CLEC16A: variants seen among roughly 807,000 people sequenced by gnomAD.
CLEC16A encodes the protein protein CLEC16A.
CLEC16A carries 51 observed loss-of-function variants against 109.5 expected under a neutral mutation model. The ratio of observed to expected loss-of-function variants is 0.47; its 90% CI spans 0.37 to 0.59. The LOEUF is 0.59. Ranked by LOEUF, CLEC16A falls within the 20% of genes least tolerant of loss-of-function variation. The pLI is 0.00. For synonymous variants in CLEC16A, 673 were observed against 564.2 expected, an observed-to-expected ratio of 1.19 and a Z score of -2.73; for missense variants, 1,339 against 1,394.0, an observed-to-expected ratio of 0.96 and a Z score of 0.63.
chr16:11,169,576 C>T (rs2068419547), intron 23 of CLEC16A, among the ~76,000 whole-genome samples: 1 of 152,226 alleles, frequency 6.6e-6, no homozygotes, highest in Non-Finnish European at 1.5e-5. Context: ...CATGAGCCAT[C>T]ACGCCTGGCC....
chr16:10,979,805 G>C (rs915788505), intron 9 of CLEC16A, among the ~76,000 whole-genome samples: 1 of 152,276 alleles, frequency 6.6e-6, no homozygotes, highest in Non-Finnish European at 1.5e-5. Context: ...CCTGAAATGA[G>C]TCTATTGTTA....
In CLEC16A at chr16:10,948,644, G is replaced by A. The variant is rs11648250; in HGVS notation, c.80+3847G>A. On this transcript the variant is annotated intron_variant, in intron 1 of 23. Transcript: ENST00000409790. ...CTTCATTCTGGTCCACTTTGTGTGG[G>A]GGTCAAGATTTTTGGTTCCAGTGAC... 5.5e-3 allele frequency among the ~76,000 whole-genome samples: 832 copies of A among 152,298 alleles called. 2 individuals are homozygous for A. Among genetic ancestry groups the A allele is most frequent in the Non-Finnish European group, 8.9e-3 (605 of 68,028 alleles).
intron 19 of CLEC16A, among the ~76,000 whole-genome samples, chr16:11,105,309 A>G (rs2152991190): frequency 6.6e-6 from 1 of 152,310 alleles, no homozygotes; most frequent in East Asian, 1.9e-4. Flanking sequence ...TTGTGTTTTC[A>G]CCAAGTTGTC....
intron 22 of CLEC16A, chr16:11,156,452 C>G: frequency 2.3e-6 from 1 of 427,024 alleles, no homozygotes; most frequent in South Asian, 1.9e-5. Flanking sequence ...CAAGCAGGGC[C>G]ATAGTGACCC....
In CLEC16A at chr16:11,003,064, A is replaced by C; in HGVS notation, c.1072-10A>C. 1 of 1,596,932 alleles carries C rather than the reference A, an allele frequency of 6.3e-7. No individual in the cohort carries two copies. ...CAAATTCACCTGTTGCCTTCGTTGG[A>C]CTTTCCTAGGCCAAGCCCAGCATTC... is the stretch of plus-strand genomic sequence containing the variant. On this transcript the variant is annotated splice_polypyrimidine_tract_variant and intron_variant, in intron 10 of 23. Coordinates refer to ENST00000409790, the MANE Select transcript of CLEC16A (RefSeq NM_015226.3).
chr16:11,139,510 A>G (rs555388668), intron 22 of CLEC16A, among the ~76,000 whole-genome samples: 12 of 152,252 alleles, frequency 7.9e-5, no homozygotes, highest in Admixed American at 7.8e-4. Flanking sequence ...CCAGTGTGAT[A>G]GGAATGGCTG....
intron 22 of CLEC16A, among the ~76,000 whole-genome samples, chr16:11,131,009 T>G (rs555538652): frequency 1.3e-5 from 2 of 152,128 alleles, no homozygotes; most frequent in Non-Finnish European, 2.9e-5. Context: ...TGGTGTATTT[T>G]TCTTCTTCCA....
intron 10 of CLEC16A, among the ~76,000 whole-genome samples, chr16:10,996,735 G>A (rs913746548): frequency 7.3e-5 from 11 of 151,542 alleles, no homozygotes; most frequent in Non-Finnish European, 1.2e-4. Context: ...ACCTGTCTGG[G>A]GTGGACTGTG....
chr16:11,083,127 G>A (rs1232573850), intron 19 of CLEC16A, among the ~76,000 whole-genome samples: 1 of 143,578 alleles, frequency 7.0e-6, no homozygotes, highest in African/African-American at 2.7e-5. Flanking sequence ...TTGAGGTTTT[G>A]TTTGTTTTGT....
intron 1 of CLEC16A, among the ~76,000 whole-genome samples, chr16:10,950,784 C>A (rs1005255329): frequency 6.6e-6 from 1 of 152,220 alleles, no homozygotes; most frequent in African/African-American, 2.4e-5. Flanking sequence ...CCCTCTACCA[C>A]ACCTGAGACA....
intron 19 of CLEC16A, among the ~76,000 whole-genome samples, chr16:11,090,344 TG>T (rs754709667): frequency 3.9e-5 from 6 of 152,168 alleles, no homozygotes; most frequent in Non-Finnish European, 8.8e-5. Context: ...AGCTTAAGAA[TG>T]GGCTGTTACT....
chr16:11,110,754 T>C (rs1461144478), intron 19 of CLEC16A, among the ~76,000 whole-genome samples: 1 of 152,078 alleles, frequency 6.6e-6, no homozygotes, highest in Non-Finnish European at 1.5e-5. Context: ...CTGCAGGTGG[T>C]TAAGTGTTCT....
chr16:11,134,695 G>C (rs530828636), intron 22 of CLEC16A, among the ~76,000 whole-genome samples: 2 of 152,308 alleles, frequency 1.3e-5, no homozygotes, highest in African/African-American at 4.8e-5. Context: ...TGTTTCCTTT[G>C]AGTGTCATGT....
At chr16:11,075,091 A>G (rs1230905324) in intron 19 of CLEC16A, among the ~76,000 whole-genome samples, 1 of 152,194 alleles carries the variant, frequency 6.6e-6, no homozygotes, top group Non-Finnish European at 1.5e-5. Flanking sequence ...ACCCTATCTC[A>G]AGAAAAAATA....
chr16:11,140,331 G>T (rs1429554672), intron 22 of CLEC16A, among the ~76,000 whole-genome samples: 2 of 152,196 alleles, frequency 1.3e-5, no homozygotes, highest in African/African-American at 4.8e-5. Flanking sequence ...GATGGAATGA[G>T]CCTTCCTCAA....
intron 10 of CLEC16A, among the ~76,000 whole-genome samples, chr16:10,984,666 G>A (rs1245168917): frequency 6.6e-6 from 1 of 152,170 alleles, no homozygotes; most frequent in Non-Finnish European, 1.5e-5. Context: ...CACACGGTCT[G>A]GCAAATGTAC....
At chr16:10,998,384 C>T (rs2044456341) in intron 10 of CLEC16A, among the ~76,000 whole-genome samples, 2 of 152,192 alleles carry the variant, frequency 1.3e-5, no homozygotes, top group African/African-American at 4.8e-5. Context: ...CTTCATGCTC[C>T]TCCTGTAGCC....
At chr16:11,084,827 C>T (rs2049922660) in intron 19 of CLEC16A, among the ~76,000 whole-genome samples, 1 of 152,196 alleles carries the variant, frequency 6.6e-6, no homozygotes, top group South Asian at 2.1e-4. Flanking sequence ...CTCTCGAAGA[C>T]ACTGTGGAGA....
At chr16:11,153,788 A>G (rs1293991028) in intron 22 of CLEC16A, among the ~76,000 whole-genome samples, 1 of 152,162 alleles carries the variant, frequency 6.6e-6, no homozygotes, top group Non-Finnish European at 1.5e-5. Context: ...TATTAATAAT[A>G]CTAAAAAAAT....
Sources: allele counts gnomAD v4.1 joint callset (sites outside exome capture counted in the v4.1 genomes callset), GRCh38; gene constraint gnomAD v4.1.1; transcripts MANE v1.5; gene names NCBI Gene and HGNC (gene_info 2026-07-23, HGNC 2026-07-21).